Variants in ADAMTS8 observed in about 807,000 individuals in gnomAD.
ADAMTS8 encodes the protein ADAM metallopeptidase with thrombospondin type 1 motif 8.
ADAMTS8 carries 50 observed loss-of-function variants against 64.4 expected under a neutral mutation model. That is an observed-to-expected ratio of 0.78 (90% CI 0.62 to 0.98). ADAMTS8 has a LOEUF of 0.98. Ranked by LOEUF, ADAMTS8 falls within the 50% of genes least tolerant of loss-of-function variation. ADAMTS8 has a pLI of 0.00. For missense variants in ADAMTS8, 1,192 were observed against 1,208.2 expected (o/e 0.99, Z 0.20); for synonymous variants, 556 against 533.6 (o/e 1.04, Z -0.58).
Position 130,419,079 on chromosome 11 carries a change from C to A in ADAMTS8, c.934G>T (p.Asp312Tyr). The change falls in exon 2 of 9, where the codon GAC becomes TAC. Residue 312 changes from aspartate (D) to tyrosine (Y), a missense_variant. Coordinates refer to ENST00000257359, the MANE Select transcript of ADAMTS8 (RefSeq NM_007037.6). ...TGTCTGGTGAGCAGGATGGCCGTGT[C>A]GTAGTGCTCTGGGTGGCGGTCGCTG... The part of the protein sequence containing the change: ...QPSDRHPEHY[D>Y]TAILLTRQNF... 6.2e-7 allele frequency: 1 copy of A among 1,614,146 alleles called. No homozygotes were observed. The highest frequency in any genetic ancestry group is 8.5e-7 in the Non-Finnish European group (1 of 1,180,034).
At chr11:130,406,158 A>C in intron 8 of ADAMTS8, 30 bp from the exon 9 acceptor site, 1 of 1,580,764 alleles carries the variant, frequency 6.3e-7, no homozygotes, top group Non-Finnish European at 8.6e-7. Context: ...ACACCCTTAG[A>C]CCAGTGGCTG....
At chr11:130,410,791 G>A (rs541774047) in intron 6 of ADAMTS8, among the ~76,000 whole-genome samples, 1 of 152,328 alleles carries the variant, frequency 6.6e-6, no homozygotes, top group South Asian at 2.1e-4. Context: ...AGCAGGTACT[G>A]GGGATAGGAA....
chr11:130,416,387 GC>G lies in ADAMTS8; in HGVS notation c.1097-58del. On this transcript the variant is annotated intron_variant, in intron 3 of 8. Coordinates refer to ENST00000257359, the MANE Select transcript of ADAMTS8 (RefSeq NM_007037.6). This position sits in a 1 kb window ranked among gnomAD's most constrained non-coding sequence, Gnocchi z 4.8. ...GTCCTGCCTGAGGGCGCCCCACCTGGCCCAGCTAGGGACAGAGATGGAGCTC... is the reference window on the plus strand; with the variant it reads ...GTCCTGCCTGAGGGCGCCCCACCTGGCCAGCTAGGGACAGAGATGGAGCTC... 1 of 1,486,090 alleles carries G rather than the reference GC, an allele frequency of 6.7e-7. No individual in the cohort carries two copies. Among genetic ancestry groups the G allele is most frequent in the East Asian group, 2.5e-5 (1 of 40,134 alleles). 92.1% of individuals were successfully genotyped at this position (1,486,090 alleles called of 1,614,324 possible).
intron 2 of ADAMTS8, 61 bp downstream of exon 2, chr11:130,418,992 C>T: frequency 6.2e-7 from 1 of 1,606,094 alleles, no homozygotes; most frequent in Non-Finnish European, 8.5e-7. Flanking sequence ...TCGTGGTCCT[C>T]CCTTTGATCT....
intron 1 of ADAMTS8, among the ~76,000 whole-genome samples, chr11:130,425,532 G>C (rs1237203797): frequency 6.6e-6 from 1 of 151,972 alleles, no homozygotes; most frequent in Non-Finnish European, 1.5e-5. Flanking sequence ...GGGTAGAGGG[G>C]TGTAGCACCC....
Position 130,425,664 on chromosome 11 carries a change from G to A in ADAMTS8, c.720+1903C>T, listed in dbSNP as rs537493005. 3.3e-5 allele frequency among the ~76,000 whole-genome samples: 5 copies of A among 150,664 alleles called. No individual in the cohort carries two copies. In the South Asian group the frequency reaches 6.3e-4, roughly 19 times the overall value. The stretch of plus-strand genomic sequence containing the variant: ...CACCCAGGCTGGAGTGCAGTGGCGC[G>A]GTCTCCGCTCACTGCAAGCTCTGCC... On this transcript the variant is annotated intron_variant, in intron 1 of 8. Transcript: ENST00000257359.
At position 130,411,699 on chromosome 11, in the gene ADAMTS8, A is replaced by G; in HGVS notation, c.1567-99T>C. 8.0e-7 allele frequency: 1 copy of G among 1,243,206 alleles called. No homozygotes were observed. Among genetic ancestry groups the G allele is most frequent in the Non-Finnish European group, 1.1e-6 (1 of 879,736 alleles). 77.0% of individuals were successfully genotyped at this position (1,243,206 alleles called of 1,614,324 possible). A position where few individuals can be genotyped will look rare whatever the true frequency, so the allele number is the denominator to read the frequency against. ...AATGCCCTGGCTTCCTCATCTAGTC[A>G]TTATCATCTTGGTGCATGGAGTGCC... On this transcript the variant is annotated intron_variant, in intron 5 of 8. Coordinates refer to ENST00000257359, the MANE Select transcript of ADAMTS8 (RefSeq NM_007037.6). This position sits in a 1 kb window ranked among gnomAD's most constrained non-coding sequence, Gnocchi z 4.2.
At chr11:130,410,395 C>T (rs1346009549) in intron 6 of ADAMTS8, among the ~76,000 whole-genome samples, 1 of 152,188 alleles carries the variant, frequency 6.6e-6, no homozygotes, top group African/African-American at 2.4e-5. Context: ...GACATCATGG[C>T]ATCACTTTTC....
intron 1 of ADAMTS8, among the ~76,000 whole-genome samples, 169 bp downstream of exon 1, chr11:130,427,396 TCA>T (rs1474654058): frequency 6.6e-6 from 1 of 150,456 alleles, no homozygotes; most frequent in African/African-American, 2.4e-5. Flanking sequence ...CTGCTCTTTC[TCA>T]GACAGGAGAG....
rs534572893 is a variant in ADAMTS8 at position 130,411,673 on chromosome 11, C to G, written c.1567-73G>C. ...TTCAGTATCTGTGTCACTGGGTGGC[C>G]AATGCCCTGGCTTCCTCATCTAGTC... is the stretch of plus-strand genomic sequence containing the variant. On this transcript the variant is annotated intron_variant, in intron 5 of 8. Coordinates refer to ENST00000257359, the MANE Select transcript of ADAMTS8 (RefSeq NM_007037.6). This position sits in a 1 kb window ranked among gnomAD's most constrained non-coding sequence, Gnocchi z 4.2. 2.0e-6 allele frequency: 3 copies of G among 1,504,088 alleles called. No homozygotes were observed. In the Admixed American group the frequency reaches 5.5e-5, roughly 27 times the overall value. The allele number at this position is 1,504,088 out of a possible 1,614,324, so 93.2% of individuals were successfully genotyped here. A position where few individuals can be genotyped will look rare whatever the true frequency, so the allele number is the denominator to read the frequency against.
intron 1 of ADAMTS8, among the ~76,000 whole-genome samples, chr11:130,426,550 G>A (rs925281874): frequency 2.0e-5 from 3 of 152,144 alleles, no homozygotes; most frequent in Non-Finnish European, 4.4e-5. Flanking sequence ...GCTCCCTAGG[G>A]GCAAAGAGCA....
intron 4 of ADAMTS8, 110 bp from the exon 5 acceptor site, chr11:130,414,942 G>T: frequency 8.5e-7 from 1 of 1,172,348 alleles, no homozygotes; most frequent in Non-Finnish European, 1.2e-6. Flanking sequence ...ACGACTTCTT[G>T]ACCTCCAACT....
In ADAMTS8 at chr11:130,411,968, A is replaced by G; in HGVS notation, c.1567-368T>C. ...TCTGCCCTCCAGGGGACATTTGGCA[A>G]TGTCTGGAGATACTCTGGTGGCTAC... is the stretch of plus-strand genomic sequence containing the variant. On this transcript the variant is annotated intron_variant, in intron 5 of 8. Transcript: ENST00000257359. This position sits in a 1 kb window ranked among gnomAD's most constrained non-coding sequence, Gnocchi z 4.2. 4.0e-6 allele frequency: 1 copy of G among 247,072 alleles called. No individual in the cohort carries two copies. The highest frequency in any genetic ancestry group is 7.9e-6 in the Non-Finnish European group (1 of 126,666). The allele number at this position is 247,072 out of a possible 1,614,324, so 15.3% of individuals were successfully genotyped here.
rs1409853478 is a variant in ADAMTS8, at chr11:130,414,735, C to T, written c.1362G>A (p.Gln454=). The change falls in exon 5 of 9, where the codon CAG becomes CAA. Residue 454 remains glutamine (Q), a synonymous_variant. Transcript: ENST00000257359. ...ALYQLDQQCR[Q]IFGPDFRHCP... ...AGTGGCGGAAATCCGGCCCAAAGAT[C>T]TGCCTGCACTGCTGGTCCAGCTGGT... The T allele has an allele frequency of 6.2e-7, 1 of 1,613,562 alleles. No homozygotes were observed. Among genetic ancestry groups the T allele is most frequent in the Non-Finnish European group, 8.5e-7 (1 of 1,180,058 alleles).
Position 130,405,530 on chromosome 11 carries a change from G to A in ADAMTS8, c.*28C>T, listed in dbSNP as rs758053655. The A allele has an allele frequency of 1.3e-6, 2 of 1,565,508 alleles. No individual in the cohort carries two copies. Among genetic ancestry groups the A allele is most frequent in the Non-Finnish European group, 1.7e-6 (2 of 1,155,066 alleles). On this transcript the variant is annotated 3_prime_UTR_variant, in exon 9 of 9. Transcript: ENST00000257359. The stretch of plus-strand genomic sequence containing the variant: ...GCACCTCAGTACCGCATGTCCAGGA[G>A]CACAAGACTGGCCCCTGCCCCCCTG...
intron 2 of ADAMTS8, among the ~76,000 whole-genome samples, chr11:130,418,453 C>A (rs891414250): frequency 6.6e-6 from 1 of 152,230 alleles, no homozygotes; most frequent in African/African-American, 2.4e-5. Flanking sequence ...GCAGCACTGT[C>A]TTGGCTGGAC....
At chr11:130,419,627 C>T (rs938022794) in intron 1 of ADAMTS8, among the ~76,000 whole-genome samples, 1 of 152,242 alleles carries the variant, frequency 6.6e-6, no homozygotes, top group Non-Finnish European at 1.5e-5. Context: ...AAACTTATAG[C>T]GTGGCACAGG....
At position 130,428,233 on chromosome 11, in the gene ADAMTS8, C is replaced by G; in HGVS notation, c.54G>C (p.Leu18=). ...CGCCGCGGGCCAGCGGCAGCAGCAG[C>G]AGCAGCAGCAGCAGGAGCGGAGGCC... The part of the protein sequence containing the change: ...PRWPPLLLLL[L]LLLPLARGAP... Residue 18 remains leucine, a synonymous_variant, in exon 1 of 9, where the codon CTG becomes CTC. Coordinates refer to ENST00000257359, the MANE Select transcript of ADAMTS8 (RefSeq NM_007037.6). 8.2e-7 allele frequency: 1 copy of G among 1,226,964 alleles called. No homozygotes were observed. Among genetic ancestry groups the G allele is most frequent in the Admixed American group, 4.4e-5 (1 of 22,502 alleles). 76.0% of individuals were successfully genotyped at this position (1,226,964 alleles called of 1,614,324 possible). A position where few individuals can be genotyped will look rare whatever the true frequency, so the allele number is the denominator to read the frequency against.
intron 4 of ADAMTS8, 91 bp from the exon 5 acceptor site, chr11:130,414,923 C>G: frequency 1.5e-6 from 2 of 1,330,466 alleles, no homozygotes; most frequent in African/African-American, 1.5e-5. Flanking sequence ...CACTGAAGGT[C>G]TAGGTGTCAC....
Sources: gnomAD v4.1 joint callset for allele counts (sites outside exome capture counted in the v4.1 genomes callset) on GRCh38, gnomAD v4.1.1 for gene constraint, Gnocchi (gnomAD v3.1) non-coding constraint, MANE v1.5 for transcripts, NCBI Gene and HGNC (gene_info 2026-07-23, HGNC 2026-07-21) for gene names.